The following SLC36A1 variants were observed in gnomAD, a reference collection of about 807,000 sequenced individuals.
The protein encoded by SLC36A1 is proton-coupled amino acid transporter 1.
A neutral mutation model predicts 47.5 loss-of-function variants in SLC36A1; 30 were observed. The observed-to-expected ratio is 0.63, with a 90% CI of 0.47 to 0.86. The LOEUF is 0.86. Ranked by LOEUF, SLC36A1 falls within the 40% of genes least tolerant of loss-of-function variation. The pLI, the probability that SLC36A1 is intolerant of heterozygous loss-of-function variation, is 0.00. For missense variants in SLC36A1, 517 were observed against 606.0 expected, an observed-to-expected ratio of 0.85 and a Z score of 1.54; for synonymous variants, 255 against 249.7, an observed-to-expected ratio of 1.02 and a Z score of -0.20.
the SLC36A1 span, among the ~76,000 whole-genome samples, chr5:151,420,540 T>C: frequency 1.3e-5 from 2 of 152,154 alleles, no homozygotes; most frequent in African/African-American, 4.8e-5. Flanking sequence ...AGTAATGATT[T>C]TTACCAGGAG....
At chr5:151,516,351 G>A in the SLC36A1 span, among the ~76,000 whole-genome samples, 1 of 151,906 alleles carries the variant, frequency 6.6e-6, no homozygotes, top group Non-Finnish European at 1.5e-5. Flanking sequence ...CTCTGCTAAA[G>A]ACGCAAAAGA....
At chr5:151,366,535 C>G in the SLC36A1 span, 1 of 280,992 alleles carries the variant, frequency 3.6e-6, no homozygotes, top group Non-Finnish European at 7.1e-6. Context: ...GGAGCTCATG[C>G]ACTCTGAGTA....
the SLC36A1 span, chr5:151,549,475 T>G: frequency 6.2e-7 from 1 of 1,614,144 alleles, no homozygotes; most frequent in Non-Finnish European, 8.5e-7. Context: ...CACACGAAGT[T>G]CCTCTTGATA....
chr5:151,385,009 A>AGAGTGTGTGTGTGTGTGTGTGTGT, the SLC36A1 span, among the ~76,000 whole-genome samples: 1 of 128,464 alleles, frequency 7.8e-6, no homozygotes, highest in African/African-American at 3.6e-5. Flanking sequence ...AGAGAGAGAG[A>AGAGTGTGTGTGTGTGTGTGTGTGT]GTGTGTGTGT....
chr5:151,546,092 T>C, the SLC36A1 span: 6 of 1,614,080 alleles, frequency 3.7e-6, no homozygotes, highest in Non-Finnish European at 5.1e-6. Flanking sequence ...ACAAGGAGGA[T>C]TGGGGAACCA....
the SLC36A1 span, among the ~76,000 whole-genome samples, chr5:151,388,443 G>C: frequency 7.2e-6 from 1 of 139,462 alleles, no homozygotes; most frequent in Non-Finnish European, 1.5e-5. Context: ...GGAGCTTGTG[G>C]TAAGCCTAGA....
At position 151,488,150 on chromosome 5, in the gene SLC36A1, C is replaced by T; in HGVS notation, c.1327C>T (p.Leu443=). The T allele has an allele frequency of 6.2e-7, 1 of 1,614,194 alleles. No individual in the cohort carries two copies. The highest frequency in any genetic ancestry group is 8.5e-7 in the Non-Finnish European group (1 of 1,180,032). The part of the protein sequence containing the change: ...TIFKDALISI[L]GFVGFVVGTY... ...CTTTAAGGACGCCCTGATCAGCATC[C>T]TGGGCTTCGTGGGCTTTGTGGTGGG... is the stretch of plus-strand genomic sequence containing the variant. The change falls in exon 11 of 11, where the codon CTG becomes TTG. Residue 443 remains leucine, a synonymous_variant. Transcript: ENST00000243389.
chr5:151,539,019 C>T, the SLC36A1 span, among the ~76,000 whole-genome samples: 10 of 152,054 alleles, frequency 6.6e-5, no homozygotes, highest in African/African-American at 2.4e-4. Context: ...TTTTTCTGTT[C>T]TAGTGATGCT....
the SLC36A1 span, among the ~76,000 whole-genome samples, chr5:151,399,148 G>A: frequency 7.0e-6 from 1 of 142,766 alleles, no homozygotes; most frequent in African/African-American, 2.6e-5. Flanking sequence ...GTGCAGTGGT[G>A]CGATTTCGGC....
At chr5:151,453,160 C>T (rs1753922953) in intron 1 of SLC36A1, among the ~76,000 whole-genome samples, 2 of 151,912 alleles carry the variant, frequency 1.3e-5, no homozygotes, top group Non-Finnish European at 2.9e-5. Context: ...GCCAAGATCG[C>T]ACCACTGCAC....
the SLC36A1 span, among the ~76,000 whole-genome samples, chr5:151,413,236 T>TG: frequency 6.6e-6 from 1 of 151,934 alleles, no homozygotes; most frequent in East Asian, 1.9e-4. Context: ...CATCTTTTTT[T>TG]TTTTTCCAAA....
intron 10 of SLC36A1, among the ~76,000 whole-genome samples, chr5:151,481,849 G>A (rs1406108838): frequency 6.6e-6 from 1 of 152,154 alleles, no homozygotes; most frequent in Non-Finnish European, 1.5e-5. Flanking sequence ...TTGGAAATGC[G>A]GACTTAGCAG....
At chr5:151,442,608 G>A (rs147624421), upstream of SLC36A1, among the ~76,000 whole-genome samples, 248 of 152,126 alleles carry the variant, frequency 1.6e-3, no homozygotes, top group African/African-American at 5.6e-3. Flanking sequence ...CTGTAATTTT[G>A]TATCCTTTAA....
chr5:151,382,187 G>A, the SLC36A1 span: 2 of 1,103,336 alleles, frequency 1.8e-6, no homozygotes, highest in Non-Finnish European at 2.8e-6. Context: ...CACTGAATGA[G>A]CAGCGTCTGA....
rs756933606 is a variant in SLC36A1 at position 151,489,748 on chromosome 5, G to C, written c.*1494G>C. 2.6e-5 allele frequency: 4 copies of C among 152,206 alleles called. No individual in the cohort carries two copies. The highest frequency in any genetic ancestry group is 5.9e-5 in the Non-Finnish European group (4 of 68,084). 9.4% of individuals were successfully genotyped at this position (152,206 alleles called of 1,614,324 possible). A position where few individuals can be genotyped will look rare whatever the true frequency, so the allele number is the denominator to read the frequency against. Reference sequence around the variant, plus strand: ...TCTTGGTGTGCGAAGTATTTCAGAAGGCCATTGATGAATTCCCCCTCTTTA... The same window carrying C: ...TCTTGGTGTGCGAAGTATTTCAGAACGCCATTGATGAATTCCCCCTCTTTA... On this transcript the variant is annotated 3_prime_UTR_variant, in exon 11 of 11. Transcript: ENST00000243389. The surrounding 1 kb of genome is among the most constrained non-coding windows in gnomAD (Gnocchi z 4.5).
chr5:151,351,925 C>A, the SLC36A1 span, among the ~76,000 whole-genome samples: 1 of 152,202 alleles, frequency 6.6e-6, no homozygotes, highest in African/African-American at 2.4e-5. Flanking sequence ...TATCAGTATT[C>A]CTCACCACAA....
At chr5:151,380,810 C>T in the SLC36A1 span, 5 of 503,276 alleles carry the variant, frequency 9.9e-6, no homozygotes, top group Admixed American at 1.1e-4. Flanking sequence ...GGAAATGGTT[C>T]CACCAGAACT....
chr5:151,487,192 C>T (rs553989002), intron 10 of SLC36A1, among the ~76,000 whole-genome samples: 3 of 152,318 alleles, frequency 2.0e-5, no homozygotes, highest in Admixed American at 1.3e-4. Flanking sequence ...AGATGGGAAG[C>T]GTGGGGTCAG....
At chr5:151,451,327 A>G (rs1753633462) in intron 1 of SLC36A1, among the ~76,000 whole-genome samples, 1 of 152,190 alleles carries the variant, frequency 6.6e-6, no homozygotes, top group South Asian at 2.1e-4. Context: ...TGCCGGGATT[A>G]CAGATGTGAG....
Sources: gnomAD v4.1 joint callset for allele counts (sites outside exome capture counted in the v4.1 genomes callset) on GRCh38, gnomAD v4.1.1 for gene constraint, Gnocchi (gnomAD v3.1) non-coding constraint, MANE v1.5 for transcripts, NCBI Gene and HGNC (gene_info 2026-07-23, HGNC 2026-07-21) for gene names.